The following PIGN variants were observed in gnomAD, a reference collection of about 807,000 sequenced individuals.
PIGN encodes the protein GPI ethanolamine phosphate transferase 1.
A neutral mutation model predicts 125.4 loss-of-function variants in PIGN; 117 were observed. The ratio of observed to expected loss-of-function variants is 0.93; its 90% CI spans 0.80 to 1.09. PIGN has a LOEUF of 1.09. Ranked by LOEUF, PIGN falls within the 50% of genes least tolerant of loss-of-function variation. The pLI, the probability that PIGN is intolerant of heterozygous loss-of-function variation, is 0.00. For missense variants in PIGN, 1,075 were observed against 1,094.9 expected, an observed-to-expected ratio of 0.98 and a Z score of 0.26; for synonymous variants, 392 against 377.8, an observed-to-expected ratio of 1.04 and a Z score of -0.44.
intron 16 of PIGN, among the ~76,000 whole-genome samples, chr18:62,111,292 A>C (rs2034868505): frequency 1.3e-5 from 2 of 152,112 alleles, no homozygotes; most frequent in Non-Finnish European, 2.9e-5. Context: ...GTCCTGGAAC[A>C]GTGGGGCTCA....
chr18:62,056,761 G>A (rs1018537309), intron 30 of PIGN: 6 of 152,250 alleles, frequency 3.9e-5, no homozygotes, highest in Non-Finnish European at 8.8e-5. Flanking sequence ...CACAGCAGGA[G>A]GTGAGCGGCG....
intron 8 of PIGN, among the ~76,000 whole-genome samples, chr18:62,147,373 GAT>G (rs1210151266): frequency 1.3e-5 from 2 of 152,170 alleles, no homozygotes; most frequent in East Asian, 3.8e-4. Context: ...TCCTAAATGA[GAT>G]AGATGACGTT....
In PIGN at chr18:62,113,130, G is replaced by A. The variant is rs1451476667; in HGVS notation, c.1434+4C>T. On this transcript the variant is annotated splice_donor_region_variant and intron_variant, in intron 16 of 30. Transcript: ENST00000640252. ...ATCTGAATCCTCACATTTTCTAAACGTACCTTCACTTCTTTACTAACACCT... is the reference window on the plus strand; with the variant it reads ...ATCTGAATCCTCACATTTTCTAAACATACCTTCACTTCTTTACTAACACCT... 8.8e-6 allele frequency: 14 copies of A among 1,596,632 alleles called. No homozygotes were observed. Among genetic ancestry groups the A allele is most frequent in the Admixed American group, 1.7e-5 (1 of 57,284 alleles).
At chr18:62,118,992 G>A (rs2035194870) in intron 14 of PIGN, among the ~76,000 whole-genome samples, 2 of 151,944 alleles carry the variant, frequency 1.3e-5, no homozygotes, top group African/African-American at 2.4e-5. Context: ...GTCTCAAGAT[G>A]TACAAGAGAC....
In PIGN at chr18:62,090,533, G is replaced by A. The variant is rs2033907332; in HGVS notation, c.2226C>T (p.Val742=). Reference sequence around the variant, plus strand: ...GAGTTTCTTGTTCTATGTTTATCCAGACAAACATCAAACAAGACAACACTA... The same window carrying A: ...GAGTTTCTTGTTCTATGTTTATCCAAACAAACATCAAACAAGACAACACTA... ...FPLVLSCLMF[V]WINIEQETLQ... The change falls in exon 24 of 31, where the codon GTC becomes GTT. Residue 742 remains valine, a synonymous_variant. Coordinates refer to ENST00000640252, the MANE Select transcript of PIGN (RefSeq NM_176787.5). 1.2e-6 allele frequency: 2 copies of A among 1,610,856 alleles called. No homozygotes were observed. The highest frequency in any genetic ancestry group is 2.2e-5 in the East Asian group (1 of 44,594).
chr18:62,174,890 T>G (rs1419663405), intron 1 of PIGN, among the ~76,000 whole-genome samples: 4 of 150,106 alleles, frequency 2.7e-5, no homozygotes, highest in African/African-American at 9.8e-5. Context: ...TAAACTGTCA[T>G]GCAATTCAAT....
At chr18:62,107,249 AT>A (rs896187557) in intron 17 of PIGN, among the ~76,000 whole-genome samples, 164 bp from the exon 18 acceptor site, 61 of 151,384 alleles carry the variant, frequency 4.0e-4, no homozygotes, top group African/African-American at 6.5e-4. Context: ...TTATTTACCT[AT>A]TTTTTTTTAA....
intron 7 of PIGN, chr18:62,153,543 T>C (rs1197082235): frequency 2.6e-5 from 4 of 151,736 alleles, no homozygotes; most frequent in African/African-American, 9.7e-5. Flanking sequence ...CATGCAGATA[T>C]TAATATTAGC....
chr18:62,101,971 T>C (rs6567260), intron 21 of PIGN, among the ~76,000 whole-genome samples: 50,700 of 151,880 alleles, frequency 0.33, 9,413 homozygotes, highest in East Asian at 0.63. Flanking sequence ...CTCACGCCTG[T>C]AATCCCAGGA....
intron 30 of PIGN, among the ~76,000 whole-genome samples, chr18:62,047,218 C>G (rs553219956): frequency 8.7e-4 from 132 of 152,362 alleles, no homozygotes; most frequent in African/African-American, 3.0e-3. Context: ...CCTCACCAGG[C>G]TATAATGGGG....
Position 62,113,203 on chromosome 18 carries a change from T to C in PIGN, c.1365A>G (p.Ile455Met), listed in dbSNP as rs773897013. Residue 455 changes from isoleucine (I) to methionine (M), a missense_variant, in exon 16 of 31, where the codon ATA (isoleucine) becomes ATG (methionine). By Grantham distance (10) the Ile-to-Met change is conservative (BLOSUM62 1). This residue lies in a region of PIGN where 915 missense variants were observed against 908.7 expected (regional missense o/e 1.01). Transcript: ENST00000640252. Reference protein sequence around the residue: ...VNVVIGFVGWISYASLLIIKS... With the variant: ...VNVVIGFVGWMSYASLLIIKS... Reference sequence around the variant, plus strand: ...TGATGATCAACAAAGAGGCATAAGATATCCATCCCACAAAACCAATAACAA... The same window carrying C: ...TGATGATCAACAAAGAGGCATAAGACATCCATCCCACAAAACCAATAACAA... 2.9e-5 allele frequency: 47 copies of C among 1,612,714 alleles called. No individual in the cohort carries two copies. Among genetic ancestry groups the C allele is most frequent in the Non-Finnish European group, 3.6e-5 (43 of 1,179,346 alleles).
chr18:62,131,591 T>C (rs906335841), intron 14 of PIGN, among the ~76,000 whole-genome samples: 26 of 152,294 alleles, frequency 1.7e-4, no homozygotes, highest in African/African-American at 5.5e-4. Flanking sequence ...GTTCTCTTTA[T>C]CAGAATGGAT....
At chr18:62,093,484 A>T (rs528310726) in intron 23 of PIGN, among the ~76,000 whole-genome samples, 2 of 152,172 alleles carry the variant, frequency 1.3e-5, no homozygotes, top group South Asian at 4.1e-4. Flanking sequence ...GTGAAAATTG[A>T]ATAGGGCAGA....
intron 23 of PIGN, among the ~76,000 whole-genome samples, chr18:62,025,817 C>T (rs1480257469): frequency 3.3e-5 from 5 of 152,222 alleles, no homozygotes; most frequent in Admixed American, 2.6e-4. Flanking sequence ...GCCCCTACAT[C>T]CAGTCAATTC....
rs140320929 is a variant in PIGN, at chr18:62,148,675, A to C, written c.550-337T>G. On this transcript the variant is annotated intron_variant, in intron 7 of 30. Transcript: ENST00000640252. Reference sequence around the variant, plus strand: ...ACATATTTTGGCAAGAGTCAAAAATAATATAGTAATACTGTTACCAGTTTA... The same window carrying C: ...ACATATTTTGGCAAGAGTCAAAAATCATATAGTAATACTGTTACCAGTTTA... Among the ~76,000 whole-genome samples, 245 of 152,316 alleles carry C rather than the reference A, an allele frequency of 1.6e-3. 2 individuals carry two copies. The highest frequency in any genetic ancestry group is 5.6e-3 in the African/African-American group (231 of 41,592).
intron 3 of PIGN, 64 bp downstream of exon 3, chr18:62,162,189 A>G (rs549540329): frequency 6.6e-6 from 1 of 152,198 alleles, no homozygotes; most frequent in African/African-American, 2.4e-5. Context: ...ATGAACTTAC[A>G]AATACTTAAG....
At chr18:62,180,818 A>G (rs1406250926) in intron 1 of PIGN, among the ~76,000 whole-genome samples, 1 of 152,210 alleles carries the variant, frequency 6.6e-6, no homozygotes, top group Non-Finnish European at 1.5e-5. Flanking sequence ...TTTTGTTAAA[A>G]TAAATTTTTC....
At chr18:62,064,292 TGTTAAGA>T (rs2032374940) in intron 30 of PIGN, among the ~76,000 whole-genome samples, 1 of 152,204 alleles carries the variant, frequency 6.6e-6, no homozygotes. Flanking sequence ...AGTGGCCATG[TGTTAAGA>T]GTCATACACT....
At chr18:62,138,124 A>G in intron 14 of PIGN, 119 bp downstream of exon 14, 2 of 1,340,484 alleles carry the variant, frequency 1.5e-6, no homozygotes, top group South Asian at 2.9e-5. Context: ...TGGAGTTTAC[A>G]CTAATGTATA....
Sources: allele counts gnomAD v4.1 joint callset (sites outside exome capture counted in the v4.1 genomes callset), GRCh38; gene constraint gnomAD v4.1.1; regional missense constraint gnomAD v4.1.1; transcripts MANE v1.5; gene names NCBI Gene and HGNC (gene_info 2026-07-23, HGNC 2026-07-21).